The following KIF16B variants were observed in gnomAD, a reference collection of about 807,000 sequenced individuals.
KIF16B encodes the protein kinesin-like protein KIF16B.
Under a neutral mutation model 156.3 loss-of-function variants are expected in KIF16B, and 98 were observed. That is an observed-to-expected ratio of 0.63 (90% CI 0.53 to 0.74). The LOEUF is 0.74. Among genes scored for constraint, KIF16B ranks in the 30% least tolerant of loss-of-function variants. KIF16B has a pLI of 0.00. For missense variants in KIF16B, 1,421 were observed against 1,606.5 expected (o/e 0.88, Z 1.97); for synonymous variants, 564 against 583.7 (o/e 0.97, Z 0.49).
chr20:16,436,729 G>GT (rs1317824328), intron 12 of KIF16B, among the ~76,000 whole-genome samples: 1 of 152,142 alleles, frequency 6.6e-6, no homozygotes, highest in Non-Finnish European at 1.5e-5. Context: ...CTGCAGGCTT[G>GT]TATGTTTGCT....
At chr20:16,424,317 G>A (rs1176221999) in intron 15 of KIF16B, among the ~76,000 whole-genome samples, 2 of 152,106 alleles carry the variant, frequency 1.3e-5, no homozygotes, top group South Asian at 2.1e-4. Context: ...GCGCTCCATC[G>A]CAGCTGATGT....
intron 25 of KIF16B, among the ~76,000 whole-genome samples, chr20:16,311,858 G>C (rs1023605471): frequency 6.6e-6 from 1 of 152,188 alleles, no homozygotes; most frequent in Non-Finnish European, 1.5e-5. Flanking sequence ...TCTACATGTA[G>C]TTGGCTTGGA....
intron 17 of KIF16B, among the ~76,000 whole-genome samples, chr20:16,386,543 G>A (rs949128908): frequency 6.6e-6 from 1 of 151,872 alleles, no homozygotes; most frequent in Non-Finnish European, 1.5e-5. Context: ...AGGTTTAGTT[G>A]TAAAGGGGAG....
At chr20:16,360,131 G>T (rs1012395848) in intron 22 of KIF16B, among the ~76,000 whole-genome samples, 9 of 152,062 alleles carry the variant, frequency 5.9e-5, no homozygotes, top group Non-Finnish European at 1.0e-4. Context: ...AATCATCACT[G>T]TGGTGTGATT....
intron 12 of KIF16B, among the ~76,000 whole-genome samples, chr20:16,488,371 G>A (rs1471333050): frequency 6.6e-6 from 1 of 152,210 alleles, no homozygotes; most frequent in East Asian, 1.9e-4. Context: ...AGCTCAAGGA[G>A]TTATTTGGAA....
At chr20:16,278,483 G>A (rs781424139) in intron 25 of KIF16B, among the ~76,000 whole-genome samples, 14 of 151,970 alleles carry the variant, frequency 9.2e-5, no homozygotes, top group African/African-American at 2.2e-4. Flanking sequence ...TAATCTTTAC[G>A]GTATATTTCA....
chr20:16,523,269 G>T (rs1007664869), intron 3 of KIF16B, among the ~76,000 whole-genome samples: 4 of 152,152 alleles, frequency 2.6e-5, no homozygotes, highest in Non-Finnish European at 5.9e-5. Flanking sequence ...TGACATGATT[G>T]TATATTTAGA....
intron 14 of KIF16B, among the ~76,000 whole-genome samples, chr20:16,428,588 C>T (rs76199560): frequency 0.021 from 3,158 of 152,236 alleles, 123 homozygotes; most frequent in African/African-American, 0.071. Context: ...AAAAGACCTA[C>T]ATCTTTTATC....
chr20:16,383,241 G>T (rs1017428515), intron 17 of KIF16B, among the ~76,000 whole-genome samples: 1 of 152,076 alleles, frequency 6.6e-6, no homozygotes, highest in Non-Finnish European at 1.5e-5. Flanking sequence ...TCTAAAGGTG[G>T]CAAACAGTAT....
At chr20:16,436,856 C>T (rs999469794) in intron 12 of KIF16B, among the ~76,000 whole-genome samples, 1 of 152,124 alleles carries the variant, frequency 6.6e-6, no homozygotes, top group Non-Finnish European at 1.5e-5. Flanking sequence ...ATGAAAACAG[C>T]GGTACTCCAG....
At chr20:16,558,159 C>A (rs2070922039) in intron 1 of KIF16B, among the ~76,000 whole-genome samples, 1 of 152,220 alleles carries the variant, frequency 6.6e-6, no homozygotes, top group Admixed American at 6.5e-5. Flanking sequence ...AGAAAGAACA[C>A]CTCCAGCAGA....
intron 12 of KIF16B, among the ~76,000 whole-genome samples, chr20:16,442,515 C>T (rs551998415): frequency 1.3e-4 from 19 of 151,508 alleles, no homozygotes; most frequent in African/African-American, 4.1e-4. Context: ...AATTCTATGA[C>T]GGAACTTGTA....
chr20:16,380,294 A>T, intron 18 of KIF16B, 131 bp from the exon 19 acceptor site: 2 of 774,146 alleles, frequency 2.6e-6, no homozygotes, highest in Non-Finnish European at 3.6e-6. Context: ...AAGAAGAGTA[A>T]CTGCTTTCCT....
At chr20:16,474,798 GT>G (rs1232455773) in intron 12 of KIF16B, among the ~76,000 whole-genome samples, 1 of 152,220 alleles carries the variant, frequency 6.6e-6, no homozygotes, top group East Asian at 1.9e-4. Context: ...TAGTTCTGTA[GT>G]TTTTGGTGAG....
At chr20:16,519,831 A>C (rs1428033762) in intron 3 of KIF16B, among the ~76,000 whole-genome samples, 2 of 152,148 alleles carry the variant, frequency 1.3e-5, no homozygotes, top group African/African-American at 4.8e-5. Context: ...GGCTCATCTC[A>C]CTGGGACTGG....
chr20:16,505,961 A>G (rs1226526846), intron 8 of KIF16B, 61 bp downstream of exon 8: 11 of 1,607,778 alleles, frequency 6.8e-6, no homozygotes, highest in Middle Eastern at 1.7e-4. Context: ...TGCAACCCAA[A>G]TATTACACAT....
Position 16,406,901 on chromosome 20 carries a change from C to T in KIF16B, c.1613-445G>A, listed in dbSNP as rs984746735. 6.6e-5 allele frequency among the ~76,000 whole-genome samples: 10 copies of T among 152,090 alleles called. No homozygotes were observed. In the East Asian group the frequency reaches 7.7e-4, roughly 12 times the overall value. ...AAAGAAAAGTGCTTTCAAAAGAAAA[C>T]GTATGGAATTGGCATAATATAGGTA... On this transcript the variant is annotated intron_variant, in intron 15 of 25. Transcript: ENST00000354981.
chr20:16,385,599 C>T (rs530737874), intron 17 of KIF16B, among the ~76,000 whole-genome samples: 2 of 152,144 alleles, frequency 1.3e-5, no homozygotes, highest in African/African-American at 2.4e-5. Flanking sequence ...AAGTGAGACA[C>T]GACAAGTAAG....
chr20:16,414,201 G>T (rs2066029915), intron 15 of KIF16B, among the ~76,000 whole-genome samples: 2 of 152,138 alleles, frequency 1.3e-5, no homozygotes, highest in South Asian at 4.2e-4. Context: ...TAGGAAGCTA[G>T]ATAGGAAAAG....
Sources: allele counts gnomAD v4.1 joint callset (sites outside exome capture counted in the v4.1 genomes callset), GRCh38; gene constraint gnomAD v4.1.1; transcripts MANE v1.5; gene names NCBI Gene and HGNC (gene_info 2026-07-23, HGNC 2026-07-21).